MAGI1: variants seen among roughly 807,000 people sequenced by gnomAD.
The protein encoded by MAGI1 is membrane-associated guanylate kinase, WW and PDZ domain-containing protein 1.
MAGI1 carries 58 observed loss-of-function variants against 139.9 expected under a neutral mutation model. The observed-to-expected ratio is 0.41, with a 90% CI of 0.34 to 0.52. The LOEUF (loss-of-function observed/expected upper bound fraction) is 0.52, where lower values mean the gene tolerates loss of function less well. Among genes scored for constraint, MAGI1 ranks in the 20% least tolerant of loss-of-function variants. The probability of loss-of-function intolerance (pLI) is 0.12; values close to 1 mark genes in which losing one functional copy is unlikely to be tolerated. For synonymous variants in MAGI1, 812 were observed against 737.9 expected, an observed-to-expected ratio of 1.10 and a Z score of -1.63; for missense variants, 1,874 against 1,901.6, an observed-to-expected ratio of 0.99 and a Z score of 0.27.
chr3:65,590,897 C>T lies in MAGI1; in HGVS notation c.430+31075G>A, dbSNP rs113273104. 5.7e-3 allele frequency among the ~76,000 whole-genome samples: 870 copies of T among 152,186 alleles called. 14 individuals are homozygous for T. Among genetic ancestry groups the T allele is most frequent in the African/African-American group, 0.02 (818 of 41,460 alleles). ...ACTTTAAGAAACAAGAGAATGAACA[C>T]GCTTACACATGCTGATGAGAATGTA... is the stretch of plus-strand genomic sequence containing the variant. On this transcript the variant is annotated intron_variant, in intron 2 of 22. Coordinates refer to ENST00000402939, the MANE Select transcript of MAGI1 (RefSeq NM_001033057.2).
intron 1 of MAGI1, among the ~76,000 whole-genome samples, chr3:65,630,319 A>G (rs2084219718): frequency 6.6e-6 from 1 of 152,144 alleles, no homozygotes; most frequent in Non-Finnish European, 1.5e-5. Context: ...GAACTAAAGG[A>G]GGATGAGAGG....
intron 5 of MAGI1, among the ~76,000 whole-genome samples, chr3:65,463,652 G>C (rs536397348): frequency 6.6e-6 from 1 of 151,462 alleles, no homozygotes; most frequent in Admixed American, 6.6e-5. Flanking sequence ...AAAAGAGTTA[G>C]GGTGGAGACC....
intron 1 of MAGI1, among the ~76,000 whole-genome samples, chr3:65,995,500 T>C (rs1427650160): frequency 6.6e-6 from 1 of 151,748 alleles, no homozygotes; most frequent in Non-Finnish European, 1.5e-5. Flanking sequence ...ATCCTTTTCA[T>C]CCATTTCCCC....
chr3:65,716,144 G>A (rs2032214545), intron 1 of MAGI1, among the ~76,000 whole-genome samples: 1 of 152,212 alleles, frequency 6.6e-6, no homozygotes, highest in Admixed American at 6.5e-5. Flanking sequence ...CTTAGGAACT[G>A]ATGTATTAGA....
At chr3:65,630,705 T>G (rs939530132) in intron 1 of MAGI1, among the ~76,000 whole-genome samples, 11 of 152,182 alleles carry the variant, frequency 7.2e-5, no homozygotes, top group African/African-American at 2.6e-4. Flanking sequence ...TTTGGGGATG[T>G]AGGAGGGGAG....
intron 1 of MAGI1, among the ~76,000 whole-genome samples, chr3:65,814,560 T>C (rs1256694354): frequency 6.6e-6 from 1 of 152,140 alleles, no homozygotes; most frequent in Non-Finnish European, 1.5e-5. Flanking sequence ...AACTACATAA[T>C]TTGGATTTTT....
chr3:65,583,069 T>C (rs1478145408), intron 2 of MAGI1, among the ~76,000 whole-genome samples: 1 of 152,172 alleles, frequency 6.6e-6, no homozygotes, highest in African/African-American at 2.4e-5. Flanking sequence ...ATGAAATCAA[T>C]AAAAAATTAT....
intron 1 of MAGI1, among the ~76,000 whole-genome samples, chr3:65,660,868 A>G (rs1246293677): frequency 6.6e-6 from 1 of 152,206 alleles, no homozygotes; most frequent in Non-Finnish European, 1.5e-5. Context: ...CAAAGGACCA[A>G]TTATTACTAG....
intron 1 of MAGI1, among the ~76,000 whole-genome samples, chr3:65,764,975 G>A (rs552872093): frequency 4.6e-5 from 7 of 152,208 alleles, no homozygotes; most frequent in African/African-American, 1.7e-4. Context: ...GAAGATGGCA[G>A]AAAAATGGAT....
intron 1 of MAGI1, among the ~76,000 whole-genome samples, chr3:66,036,064 A>T (rs1446093647): frequency 2.6e-5 from 4 of 152,122 alleles, no homozygotes; most frequent in African/African-American, 9.7e-5. Flanking sequence ...CTTTCTCCAA[A>T]ATGGTCCTGA....
At chr3:65,576,894 G>A (rs2081202060) in intron 2 of MAGI1, among the ~76,000 whole-genome samples, 1 of 152,098 alleles carries the variant, frequency 6.6e-6, no homozygotes, top group Non-Finnish European at 1.5e-5. Flanking sequence ...ATGATGTATG[G>A]TTACCCCTGG....
chr3:65,907,414 C>A (rs2061482326), intron 1 of MAGI1, among the ~76,000 whole-genome samples: 1 of 152,146 alleles, frequency 6.6e-6, no homozygotes. Context: ...CAGGTCTCTG[C>A]TGTCAAATCC....
intron 1 of MAGI1, among the ~76,000 whole-genome samples, chr3:65,658,017 C>T (rs553017422): frequency 1.3e-5 from 2 of 152,102 alleles, no homozygotes; most frequent in Non-Finnish European, 2.9e-5. Context: ...ACTAAGTGTG[C>T]ACACAGAAAA....
At chr3:65,585,316 T>G (rs2081622234) in intron 2 of MAGI1, among the ~76,000 whole-genome samples, 1 of 152,206 alleles carries the variant, frequency 6.6e-6, no homozygotes, top group Admixed American at 6.5e-5. Flanking sequence ...TGCATTAAAA[T>G]GTATGATTAT....
chr3:65,628,416 GT>G (rs2084100972), intron 1 of MAGI1, among the ~76,000 whole-genome samples: 1 of 151,978 alleles, frequency 6.6e-6, no homozygotes, highest in African/African-American at 2.4e-5. Context: ...AGAAAATCGG[GT>G]GTAAGTTTCC....
intron 1 of MAGI1, among the ~76,000 whole-genome samples, chr3:65,886,784 A>G (rs1309718949): frequency 1.3e-5 from 2 of 152,216 alleles, no homozygotes; most frequent in African/African-American, 4.8e-5. Context: ...AACTTCTACT[A>G]TATTGAAGCC....
At chr3:65,502,847 G>C (rs189320106) in intron 2 of MAGI1, among the ~76,000 whole-genome samples, 180 of 152,138 alleles carry the variant, frequency 1.2e-3, no homozygotes, top group African/African-American at 4.1e-3. Flanking sequence ...AGGTGTGTGG[G>C]TAAGGTGGTC....
chr3:65,855,879 T>A (rs545003478), intron 1 of MAGI1, among the ~76,000 whole-genome samples: 2 of 151,776 alleles, frequency 1.3e-5, no homozygotes, highest in South Asian at 4.2e-4. Context: ...TTCCCTCACT[T>A]ACGCAACAGC....
intron 1 of MAGI1, among the ~76,000 whole-genome samples, chr3:65,911,938 A>T (rs74318871): frequency 6.6e-6 from 1 of 152,220 alleles, no homozygotes; most frequent in African/African-American, 2.4e-5. Context: ...AACCAGTCCA[A>T]GGCAAAGAGA....
Sources: allele counts gnomAD v4.1 joint callset (sites outside exome capture counted in the v4.1 genomes callset), GRCh38; gene constraint gnomAD v4.1.1; transcripts MANE v1.5; gene names NCBI Gene and HGNC (gene_info 2026-07-23, HGNC 2026-07-21).